ACVR1C: variants seen among roughly 807,000 people sequenced by gnomAD.
ACVR1C encodes the protein activin receptor type-1C.
ACVR1C carries 23 observed loss-of-function variants against 57.9 expected under a neutral mutation model. The ratio of observed to expected loss-of-function variants is 0.40; its 90% CI spans 0.29 to 0.56. ACVR1C has a LOEUF of 0.56. ACVR1C is among the 20% of genes least tolerant of loss of function. The pLI, the probability that ACVR1C is intolerant of heterozygous loss-of-function variation, is 0.50. For missense variants in ACVR1C, 480 were observed against 607.9 expected, an observed-to-expected ratio of 0.79 and a Z score of 2.21; for synonymous variants, 214 against 215.3, an observed-to-expected ratio of 0.99 and a Z score of 0.05.
chr2:157,549,930 G>A (rs1381787924), intron 4 of ACVR1C, among the ~76,000 whole-genome samples: 1 of 150,012 alleles, frequency 6.7e-6, no homozygotes, highest in East Asian at 1.9e-4. Context: ...ATGAACCCGG[G>A]AGGCAGAGCT....
At chr2:157,615,333 A>AC (rs1263004038) in intron 1 of ACVR1C, among the ~76,000 whole-genome samples, 1 of 150,038 alleles carries the variant, frequency 6.7e-6, no homozygotes, top group Non-Finnish European at 1.5e-5. Flanking sequence ...AAAAAAAAAA[A>AC]CACAAAAAGT....
At chr2:157,628,045 G>GAA (rs1471965222) in intron 1 of ACVR1C, among the ~76,000 whole-genome samples, 1 of 152,092 alleles carries the variant, frequency 6.6e-6, no homozygotes, top group East Asian at 1.9e-4. Context: ...TCCCACTCTC[G>GAA]CCTCCATAGC....
At chr2:157,615,055 A>G (rs1484156309) in intron 1 of ACVR1C, among the ~76,000 whole-genome samples, 1 of 152,058 alleles carries the variant, frequency 6.6e-6, no homozygotes, top group Non-Finnish European at 1.5e-5. Flanking sequence ...TTTTCCATTC[A>G]TTGTTTTTGG....
intron 1 of ACVR1C, among the ~76,000 whole-genome samples, chr2:157,599,219 A>G (rs572299817): frequency 6.9e-6 from 1 of 145,698 alleles, no homozygotes; most frequent in South Asian, 2.3e-4. Flanking sequence ...CTACAGTCCC[A>G]GGTACTCTGG....
intron 3 of ACVR1C, among the ~76,000 whole-genome samples, chr2:157,554,197 A>AAGAGAGAG (rs755252966): frequency 4.2e-5 from 5 of 118,714 alleles, no homozygotes; most frequent in African/African-American, 1.8e-4. Context: ...AAAAATAAAG[A>AAGAGAGAG]AGAGAGAAAG....
intron 2 of ACVR1C, among the ~76,000 whole-genome samples, chr2:157,572,377 A>AATT (rs397739504): frequency 6.9e-6 from 1 of 144,088 alleles, no homozygotes; most frequent in Non-Finnish European, 1.5e-5. Context: ...AAAAAAAAAA[A>AATT]TTAAAAAAAA....
At chr2:157,603,843 A>G (rs1436510403) in intron 1 of ACVR1C, among the ~76,000 whole-genome samples, 1 of 152,130 alleles carries the variant, frequency 6.6e-6, no homozygotes, top group African/African-American at 2.4e-5. Context: ...GTTATAAAAC[A>G]TGGGTAAATT....
intron 1 of ACVR1C, among the ~76,000 whole-genome samples, chr2:157,605,858 C>G (rs1466008324): frequency 6.6e-6 from 1 of 151,594 alleles, no homozygotes; most frequent in Non-Finnish European, 1.5e-5. Flanking sequence ...TTGGAAAGTA[C>G]AGTGCCCCTA....
rs186756393 is a variant in ACVR1C at position 157,527,247 on chromosome 2, C to T, written c.*6671G>A. On this transcript the variant is annotated 3_prime_UTR_variant, in exon 9 of 9. Coordinates refer to ENST00000243349, the MANE Select transcript of ACVR1C (RefSeq NM_145259.3). ...TTTGATACAGTTTATTGCCCAATTC[C>T]TATTTTAAAACCTAATTTATTTTTT... 3.3e-5 allele frequency: 5 copies of T among 152,216 alleles called. No homozygotes were observed. In the East Asian group the frequency reaches 9.7e-4, roughly 29 times the overall value. 9.4% of individuals were successfully genotyped at this position (152,216 alleles called of 1,614,324 possible). A position where few individuals can be genotyped will look rare whatever the true frequency, so the allele number is the denominator to read the frequency against.
chr2:157,602,067 G>A (rs1485971937), intron 1 of ACVR1C, among the ~76,000 whole-genome samples: 1 of 152,086 alleles, frequency 6.6e-6, no homozygotes, highest in Non-Finnish European at 1.5e-5. Context: ...CCTTGGTAGT[G>A]ACACTGCCAC....
At chr2:157,623,311 T>C (rs1200420960) in intron 1 of ACVR1C, among the ~76,000 whole-genome samples, 1 of 152,184 alleles carries the variant, frequency 6.6e-6, no homozygotes, top group Non-Finnish European at 1.5e-5. Context: ...ACTTCCATGT[T>C]TGTTGTAGCC....
At position 157,542,836 on chromosome 2, in the gene ACVR1C, T is replaced by G. The variant is rs377362010; in HGVS notation, c.970A>C (p.Ile324Leu). 3.7e-6 allele frequency: 6 copies of G among 1,614,002 alleles called. No homozygotes were observed. The highest frequency in any genetic ancestry group is 5.1e-6 in the Non-Finnish European group (6 of 1,179,972). The stretch of plus-strand genomic sequence containing the variant: ...TTCACTAAGATATTCTTTGATTTTA[T>G]GTCTCGATGAGCAATAGCAGGTTTA... ...QGKPAIAHRD[I>L]KSKNILVKKC... The change falls in exon 6 of 9, where the codon ATA becomes CTA. Residue 324 changes from isoleucine (I) to leucine (L), a missense_variant. By Grantham distance (5) the Ile-to-Leu change is conservative (BLOSUM62 2). Transcript: ENST00000243349.
chr2:157,546,868 C>T (rs1414336555), intron 4 of ACVR1C, among the ~76,000 whole-genome samples: 2 of 151,620 alleles, frequency 1.3e-5, no homozygotes, highest in East Asian at 1.9e-4. Flanking sequence ...GCACATTGTG[C>T]AGGTTAGTTA....
intron 1 of ACVR1C, among the ~76,000 whole-genome samples, chr2:157,617,470 A>G (rs532121718): frequency 2.2e-4 from 34 of 152,184 alleles, no homozygotes; most frequent in African/African-American, 7.2e-4. Flanking sequence ...AAAGAACAGC[A>G]GATGCCTTTG....
At chr2:157,579,862 T>A (rs1688745516) in intron 2 of ACVR1C, among the ~76,000 whole-genome samples, 1 of 152,216 alleles carries the variant, frequency 6.6e-6, no homozygotes, top group Non-Finnish European at 1.5e-5. Context: ...GCTGATACAT[T>A]TTTTTAACTT....
chr2:157,537,593 A>G (rs1314951125), intron 8 of ACVR1C, among the ~76,000 whole-genome samples: 1 of 152,096 alleles, frequency 6.6e-6, no homozygotes, highest in Non-Finnish European at 1.5e-5. Flanking sequence ...GAAGAGAAAA[A>G]TGAGGCAAAA....
At chr2:157,568,109 C>G (rs1331878901) in intron 2 of ACVR1C, among the ~76,000 whole-genome samples, 6 of 148,488 alleles carry the variant, frequency 4.0e-5, no homozygotes, top group Non-Finnish European at 8.9e-5. Flanking sequence ...TCCAGCCAAA[C>G]TAAGCTTCAT....
chr2:157,628,618 G>T lies in ACVR1C; in HGVS notation c.27C>A (p.Leu9=), dbSNP rs1682959274. The change falls in exon 1 of 9, where the codon CTC becomes CTA. Residue 9 remains leucine, a synonymous_variant. Transcript: ENST00000243349. ...CTGCGAGCAGCAGGAGAGCCTGGCG[G>T]AGCGCTGAGCAGAGCGCCCGGGTCA... MTRALCSA[L]RQALLLLAAA... 3 of 1,599,650 alleles carry T rather than the reference G, an allele frequency of 1.9e-6. No homozygotes were observed. The highest frequency in any genetic ancestry group is 2.3e-5 in the East Asian group (1 of 44,198).
chr2:157,613,258 T>A (rs572471195), intron 1 of ACVR1C, among the ~76,000 whole-genome samples: 63 of 152,236 alleles, frequency 4.1e-4, no homozygotes, highest in Non-Finnish European at 6.9e-4. Flanking sequence ...GGTGTGATTA[T>A]CTCTTTGCAA....
Sources: allele counts gnomAD v4.1 joint callset (sites outside exome capture counted in the v4.1 genomes callset), GRCh38; gene constraint gnomAD v4.1.1; transcripts MANE v1.5; gene names NCBI Gene and HGNC (gene_info 2026-07-23, HGNC 2026-07-21).